The following SREBF1 variants were observed in gnomAD, a reference collection of about 807,000 sequenced individuals.
SREBF1 encodes the protein sterol regulatory element binding transcription factor 1.
In SREBF1, 45 loss-of-function variants were observed where a neutral mutation model predicts 100.1. The observed-to-expected ratio is 0.45, with a 90% CI of 0.35 to 0.58. The LOEUF (loss-of-function observed/expected upper bound fraction) is 0.58. SREBF1 is among the 20% of genes least tolerant of loss of function. The pLI is 0.00. For missense variants in SREBF1, 1,324 were observed against 1,539.4 expected, an observed-to-expected ratio of 0.86 and a Z score of 2.34; for synonymous variants, 657 against 681.8, an observed-to-expected ratio of 0.96 and a Z score of 0.57.
Position 17,813,733 on chromosome 17 carries a change from C to T in SREBF1, c.2938G>A (p.Val980Met). ...QLFLCDLLLV[V>M]RTSLWRQQQP... Reference sequence around the variant, plus strand: ...TGCTGCCGCCACAGGCTGGTGCGCACCACAAGAAGCAGGTCACACAGGAAC... The same window carrying T: ...TGCTGCCGCCACAGGCTGGTGCGCATCACAAGAAGCAGGTCACACAGGAAC... Residue 980 changes from valine (V) to methionine (M), a missense_variant, in exon 17 of 19, where the codon GTG becomes ATG. By Grantham distance (21) the Val-to-Met change is conservative. Transcript: ENST00000261646. 3 of 1,535,724 alleles carry T rather than the reference C, an allele frequency of 2.0e-6. No individual in the cohort carries two copies. Among genetic ancestry groups the T allele is most frequent in the Non-Finnish European group, 2.6e-6 (3 of 1,146,940 alleles).
At chr17:17,814,982 A>AG in intron 13 of SREBF1, 38 bp from the exon 14 acceptor site, 1 of 1,537,336 alleles carries the variant, frequency 6.5e-7, no homozygotes, top group Non-Finnish European at 8.8e-7. Context: ...AACAGATGGC[A>AG]GGGGTCCTAG....
rs144771074 is a variant in SREBF1, at chr17:17,817,810, C to T, written c.1290G>A (p.Ser430=). 4.2e-5 allele frequency: 67 copies of T among 1,612,886 alleles called. No individual in the cohort carries two copies. Among genetic ancestry groups the T allele is most frequent in the African/African-American group, 1.5e-4 (11 of 74,858 alleles). The change falls in exon 7 of 19, where the codon TCG becomes TCA. Residue 430 remains serine (S), a synonymous_variant. Transcript: ENST00000261646. The surrounding 1 kb of genome is among the most constrained non-coding windows in gnomAD (Gnocchi z 6.6). ...EVEDTLTPPP[S]DAGSPFQSSP... Reference sequence around the variant, plus strand: ...TGCTCTGGAAAGGTGAGCCAGCATCCGAGGGGGGTGGGGTCAGTGTGTCCT... The same window carrying T: ...TGCTCTGGAAAGGTGAGCCAGCATCTGAGGGGGGTGGGGTCAGTGTGTCCT...
Position 17,812,831 on chromosome 17 carries a change from G to A in SREBF1, c.3235C>T (p.Pro1079Ser), listed in dbSNP as rs1419862577. 2.7e-6 allele frequency: 4 copies of A among 1,473,666 alleles called. No homozygotes were observed. The Admixed American group carries it at 1.0e-4, about 37-fold the overall frequency. The allele number at this position is 1,473,666 out of a possible 1,614,324, so 91.3% of individuals were successfully genotyped here. Residue 1079 changes from proline (P) to serine (S), a missense_variant, in exon 19 of 19, where the codon CCG (proline) becomes TCG (serine). Pro to Ser is a moderately conservative substitution (Grantham distance 74). Coordinates refer to ENST00000261646, the MANE Select transcript of SREBF1 (RefSeq NM_004176.5). ...GKGGAVAELE[P>S]RPTRREHAEA... ...GCGTGCTCCCGCCGCGTGGGCCGCG[G>A]CTCCAGCTCCGCCACCGCGCCTGCG...
Position 17,813,625 on chromosome 17 carries a change from G to C in SREBF1, c.3046C>G (p.Arg1016Gly), listed in dbSNP as rs775381502. ...AGCCGCCTCAGGCTGCTCAGGTCCCGTTGGAAGCCACGCAGCTCAAGGGCG... is the reference window on the plus strand; with the variant it reads ...AGCCGCCTCAGGCTGCTCAGGTCCCCTTGGAAGCCACGCAGCTCAAGGGCG... The part of the protein sequence containing the change: ...ASALELRGFQ[R>G]DLSSLRRLAQ... The change falls in exon 17 of 19, where the codon CGG becomes GGG. Residue 1016 changes from arginine to glycine, a missense_variant. Physicochemically the swap from Arg to Gly is moderately radical, Grantham distance 125. Transcript: ENST00000261646. 2 of 1,584,436 alleles carry C rather than the reference G, an allele frequency of 1.3e-6. No individual in the cohort carries two copies. The highest frequency in any genetic ancestry group is 1.7e-6 in the Non-Finnish European group (2 of 1,171,632).
Position 17,819,604 on chromosome 17 carries a change from T to C in SREBF1, c.645A>G (p.Thr215=). 6.2e-7 allele frequency: 1 copy of C among 1,613,684 alleles called. No individual in the cohort carries two copies. The highest frequency in any genetic ancestry group is 8.5e-7 in the Non-Finnish European group (1 of 1,179,864). The change falls in exon 3 of 19, where the codon ACA becomes ACG. Residue 215 remains threonine, a synonymous_variant. Transcript: ENST00000261646. ...GGGCTGCCGTGGGGGCAGCTGTGAC[T>C]GTCAGTAGCTGCTGGGGGACCACAC... ...VQSVVPQQLL[T]VTAAPTAAPV...
At chr17:17,818,981 CCCG>C in intron 5 of SREBF1, 29 bp downstream of exon 5, 1 of 1,605,400 alleles carries the variant, frequency 6.2e-7, no homozygotes, top group Non-Finnish European at 8.5e-7. Flanking sequence ...CTAGGGACAC[CCCG>C]GTCTGTGCCC....
At position 17,819,461 on chromosome 17, in the gene SREBF1, G is replaced by A; in HGVS notation, c.712-7C>T. On this transcript the variant is annotated splice_polypyrimidine_tract_variant and splice_region_variant and intron_variant, in intron 3 of 18. Coordinates refer to ENST00000261646, the MANE Select transcript of SREBF1 (RefSeq NM_004176.5). ...AGTGGGGCTGCAGCAGGACCTGAGG[G>A]TGGGAGAGGCTTGGCTGTAAGCTGT... 1.9e-6 allele frequency: 3 copies of A among 1,613,742 alleles called. No homozygotes were observed. Among genetic ancestry groups the A allele is most frequent in the Middle Eastern group, 3.3e-4 (2 of 6,062 alleles).
chr17:17,836,750 G>C lies in SREBF1; in HGVS notation c.68C>G (p.Ala23Gly), dbSNP rs1175216652. The C allele has an allele frequency of 1.5e-5, 23 of 1,572,824 alleles. No homozygotes were observed. The highest frequency in any genetic ancestry group is 8.6e-7 in the Non-Finnish European group (1 of 1,167,276). ...ACCTTCGATGTCGGTCAGCAGCGCC[G>C]CGTCCAGATCGCACGGCTCGCCCAG... ...QALGEPCDLD[A>G]ALLTDIEDML... The change falls in exon 1 of 19, where the codon GCG (alanine) becomes GGG (glycine). Residue 23 changes from alanine (A) to glycine (G), a missense_variant. Coordinates refer to ENST00000261646, the MANE Select transcript of SREBF1 (RefSeq NM_004176.5).
intron 9 of SREBF1, 29 bp from the exon 10 acceptor site, chr17:17,816,747 A>C: frequency 6.4e-7 from 1 of 1,568,836 alleles, no homozygotes; most frequent in Non-Finnish European, 8.6e-7. Flanking sequence ...CAGGTGAGAA[A>C]AGTGAGGTCA....
intron 1 of SREBF1, among the ~76,000 whole-genome samples, chr17:17,829,602 C>T (rs2034730825): frequency 6.6e-6 from 1 of 152,148 alleles, no homozygotes; most frequent in African/African-American, 2.4e-5. Flanking sequence ...GGCCACTCTG[C>T]CCGTCCTCCC....
At chr17:17,829,205 A>AAAAAAAAAATATATATATAT (rs1210718799) in intron 1 of SREBF1, among the ~76,000 whole-genome samples, 2 of 65,870 alleles carry the variant, frequency 3.0e-5, no homozygotes, top group South Asian at 3.2e-4. Flanking sequence ...AAAAAAAAAA[A>AAAAAAAAAATATATATATAT]ATATATATAT....
At chr17:17,823,283 G>C (rs990649770) in intron 1 of SREBF1, among the ~76,000 whole-genome samples, 1 of 152,186 alleles carries the variant, frequency 6.6e-6, no homozygotes. Context: ...CTTAGGTCGG[G>C]ATGCTGCTTT....
chr17:17,820,898 A>C, intron 1 of SREBF1: 1 of 334,090 alleles, frequency 3.0e-6, no homozygotes, highest in Non-Finnish European at 5.8e-6. Context: ...AACATCTAGA[A>C]ACATCCTTAG....
intron 9 of SREBF1, 86 bp from the exon 10 acceptor site, chr17:17,816,804 G>A: frequency 1.9e-6 from 3 of 1,573,264 alleles, no homozygotes; most frequent in Non-Finnish European, 2.6e-6. Flanking sequence ...GCAGGCTCTG[G>A]AGGGGTGGTG....
At position 17,819,628 on chromosome 17, in the gene SREBF1, A is replaced by G. The variant is rs1312465533; in HGVS notation, c.621T>C (p.Ser207=). 9.3e-6 allele frequency: 15 copies of G among 1,612,666 alleles called. No individual in the cohort carries two copies. The highest frequency in any genetic ancestry group is 8.3e-5 in the Admixed American group (5 of 59,954). The change falls in exon 3 of 19, where the codon AGT becomes AGC. Residue 207 remains serine, a synonymous_variant. Coordinates refer to ENST00000261646, the MANE Select transcript of SREBF1 (RefSeq NM_004176.5). ...CTGTCAGTAGCTGCTGGGGGACCAC[A>G]CTCTGGACCTGGGTGTGCAAGGAGA... The part of the protein sequence containing the change: ...PPVSLHTQVQ[S]VVPQQLLTVT...
At chr17:17,827,169 G>T (rs1393337682) in intron 1 of SREBF1, among the ~76,000 whole-genome samples, 1 of 152,246 alleles carries the variant, frequency 6.6e-6, no homozygotes, top group Non-Finnish European at 1.5e-5. Context: ...CGGAGGCAGT[G>T]AGGGGGTGGA....
Position 17,817,661 on chromosome 17 carries a change from G to C in SREBF1, c.1404+35C>G. 6.2e-7 allele frequency: 1 copy of C among 1,610,632 alleles called. No homozygotes were observed. The highest frequency in any genetic ancestry group is 8.5e-7 in the Non-Finnish European group (1 of 1,178,058). On this transcript the variant is annotated intron_variant, in intron 7 of 18. Transcript: ENST00000261646. This position sits in a 1 kb window ranked among gnomAD's most constrained non-coding sequence, Gnocchi z 6.6. ...TCATGAGGCTCAGAGGATATGGCTG[G>C]GAGTGGGGAAGGGGGCACCGTGGCA...
At chr17:17,818,627 G>A (rs2033839776) in intron 5 of SREBF1, 1 of 560,526 alleles carries the variant, frequency 1.8e-6, no homozygotes, top group Admixed American at 2.9e-5. Flanking sequence ...GCCATCTCAG[G>A]GAGGCCTTCC....
chr17:17,819,238 C>T lies in SREBF1; in HGVS notation c.847-4G>A. ...TGGTTCCGCCACTCACCAGGGTCTG[C>T]AGGGCCAGGCACATGTTACCAGGTG... On this transcript the variant is annotated splice_region_variant and splice_polypyrimidine_tract_variant and intron_variant, in intron 4 of 18. Coordinates refer to ENST00000261646, the MANE Select transcript of SREBF1 (RefSeq NM_004176.5). 6.2e-7 allele frequency: 1 copy of T among 1,613,976 alleles called. No individual in the cohort carries two copies. Among genetic ancestry groups the T allele is most frequent in the Non-Finnish European group, 8.5e-7 (1 of 1,180,048 alleles).
Sources: gnomAD v4.1 joint callset for allele counts (sites outside exome capture counted in the v4.1 genomes callset) on GRCh38, gnomAD v4.1.1 for gene constraint, Gnocchi (gnomAD v3.1) non-coding constraint, MANE v1.5 for transcripts, NCBI Gene and HGNC (gene_info 2026-07-23, HGNC 2026-07-21) for gene names.